Variants in VAT1L observed in about 807,000 individuals in gnomAD.
VAT1L encodes putative NADPH-dependent quinone oxidoreductase VAT1L.
A neutral mutation model predicts 44.1 loss-of-function variants in VAT1L; 34 were observed. That is an observed-to-expected ratio of 0.77 (90% confidence interval 0.59 to 1.03). The LOEUF (loss-of-function observed/expected upper bound fraction) is 1.03, where lower values mean the gene tolerates loss of function less well. Ranked by LOEUF, VAT1L falls within the 50% of genes least tolerant of loss-of-function variation. The probability of loss-of-function intolerance (pLI) is 0.00; values close to 1 mark genes in which losing one functional copy is unlikely to be tolerated. For synonymous variants in VAT1L, 253 were observed against 202.2 expected, an observed-to-expected ratio of 1.25 and a Z score of -2.13; for missense variants, 615 against 538.8, an observed-to-expected ratio of 1.14 and a Z score of -1.40.
chr16:77,952,570 C>G (rs565383166), intron 7 of VAT1L, among the ~76,000 whole-genome samples: 2 of 152,156 alleles, frequency 1.3e-5, no homozygotes, highest in Non-Finnish European at 2.9e-5. Flanking sequence ...ATAAAGCCTG[C>G]AGAGCCATGA....
chr16:77,907,611 C>A (rs1329016949), intron 7 of VAT1L, among the ~76,000 whole-genome samples: 1 of 86,814 alleles, frequency 1.2e-5, no homozygotes, highest in Non-Finnish European at 2.6e-5. Flanking sequence ...ACTTCCAACA[C>A]AAAGATATAT....
intron 2 of VAT1L, among the ~76,000 whole-genome samples, chr16:77,820,477 G>A (rs2016433581): frequency 6.6e-6 from 1 of 152,114 alleles, no homozygotes; most frequent in South Asian, 2.1e-4. Context: ...GCTCTGTAGG[G>A]GTGTTTCCCA....
chr16:77,797,571 C>G (rs1311288076), intron 1 of VAT1L, among the ~76,000 whole-genome samples: 2 of 152,090 alleles, frequency 1.3e-5, no homozygotes, highest in Non-Finnish European at 1.5e-5. Context: ...ATAGACAATC[C>G]AGCCTCTGGA....
At chr16:77,830,293 A>T (rs923845241) in intron 3 of VAT1L, among the ~76,000 whole-genome samples, 1 of 152,130 alleles carries the variant, frequency 6.6e-6, no homozygotes, top group Admixed American at 6.5e-5. Flanking sequence ...TTCTCTCCCA[A>T]TTCAGATGTA....
At chr16:77,790,999 A>T (rs768819750) in intron 1 of VAT1L, among the ~76,000 whole-genome samples, 1 of 152,220 alleles carries the variant, frequency 6.6e-6, no homozygotes, top group African/African-American at 2.4e-5. Context: ...CAGAAAGCCA[A>T]CCAGGCTGCA....
At chr16:77,904,015 T>G (rs1052124606) in intron 7 of VAT1L, among the ~76,000 whole-genome samples, 1 of 152,014 alleles carries the variant, frequency 6.6e-6, no homozygotes, top group African/African-American at 2.4e-5. Flanking sequence ...AGATTACAGG[T>G]ATGAGCCACT....
rs1052430892 is a variant in VAT1L, at chr16:77,979,480, G to C, written c.*1785G>C. Reference sequence around the variant, plus strand: ...TTCTCCCGTAACCATGCTGAAAAGGGGGTCTTAGGGAGAACTGTCATCCAA... The same window carrying C: ...TTCTCCCGTAACCATGCTGAAAAGGCGGTCTTAGGGAGAACTGTCATCCAA... On this transcript the variant is annotated 3_prime_UTR_variant, in exon 9 of 9. Coordinates refer to ENST00000302536, the MANE Select transcript of VAT1L (RefSeq NM_020927.3). 4 of 152,126 alleles carry C rather than the reference G, an allele frequency of 2.6e-5. No individual in the cohort carries two copies. The highest frequency in any genetic ancestry group is 1.9e-4 in the East Asian group (1 of 5,182). 9.4% of individuals were successfully genotyped at this position (152,126 alleles called of 1,614,324 possible). A position where few individuals can be genotyped will look rare whatever the true frequency, so the allele number is the denominator to read the frequency against.
chr16:77,819,079 T>A (rs1442158827), intron 2 of VAT1L, among the ~76,000 whole-genome samples: 1 of 152,196 alleles, frequency 6.6e-6, no homozygotes, highest in Non-Finnish European at 1.5e-5. Flanking sequence ...ACTCTGAGAC[T>A]GGAGCTGAAC....
intron 1 of VAT1L, among the ~76,000 whole-genome samples, chr16:77,804,429 A>G (rs1428386669): frequency 3.3e-5 from 5 of 152,096 alleles, no homozygotes; most frequent in Non-Finnish European, 7.4e-5. Flanking sequence ...TTAGATTCTC[A>G]ATATGTCTCC....
At chr16:77,836,275 T>G (rs1244360713) in intron 3 of VAT1L, among the ~76,000 whole-genome samples, 1 of 152,000 alleles carries the variant, frequency 6.6e-6, no homozygotes, top group Non-Finnish European at 1.5e-5. Context: ...CACCTGCACC[T>G]CGCTCATTTT....
chr16:77,931,439 T>C (rs561391238), intron 7 of VAT1L, among the ~76,000 whole-genome samples: 45 of 152,292 alleles, frequency 3.0e-4, no homozygotes, highest in Non-Finnish European at 2.4e-4. Flanking sequence ...AAAATGTGTT[T>C]CATGGAGGAG....
At chr16:77,895,007 C>T (rs1387658387) in intron 7 of VAT1L, among the ~76,000 whole-genome samples, 1 of 151,868 alleles carries the variant, frequency 6.6e-6, no homozygotes, top group African/African-American at 2.4e-5. Flanking sequence ...TGCTGTAGGT[C>T]CCTACACTTC....
At chr16:77,938,037 T>G (rs73568611) in intron 7 of VAT1L, among the ~76,000 whole-genome samples, 11,567 of 152,328 alleles carry the variant, frequency 0.076, 516 homozygotes, top group South Asian at 0.12. Context: ...CTTCTTTTTA[T>G]GAGCACTGTT....
intron 2 of VAT1L, among the ~76,000 whole-genome samples, chr16:77,820,115 A>G (rs2016425808): frequency 6.6e-6 from 1 of 152,128 alleles, no homozygotes; most frequent in Non-Finnish European, 1.5e-5. Context: ...ACTTTTCTCA[A>G]GTGTAATGAA....
chr16:77,800,796 C>A (rs1402998001), intron 1 of VAT1L: 4 of 152,144 alleles, frequency 2.6e-5, no homozygotes, highest in Non-Finnish European at 4.4e-5. Context: ...AGGAAAGATA[C>A]ATTAATTATA....
intron 7 of VAT1L, among the ~76,000 whole-genome samples, chr16:77,926,771 A>C (rs906113012): frequency 6.6e-6 from 1 of 152,118 alleles, no homozygotes; most frequent in African/African-American, 2.4e-5. Context: ...ACTCTGGCTG[A>C]GCCTTTGTTT....
At chr16:77,878,880 C>G (rs778176341) in intron 5 of VAT1L, among the ~76,000 whole-genome samples, 7 of 152,150 alleles carry the variant, frequency 4.6e-5, no homozygotes, top group Non-Finnish European at 7.4e-5. Flanking sequence ...AGCAACTCAT[C>G]ATTTTATTCA....
chr16:77,893,436 C>T (rs921232735), intron 7 of VAT1L, among the ~76,000 whole-genome samples: 2 of 152,318 alleles, frequency 1.3e-5, no homozygotes, highest in East Asian at 3.9e-4. Context: ...CAGGGATAGA[C>T]ACTGGTGTGA....
chr16:77,893,942 C>G (rs1040818424), intron 7 of VAT1L, among the ~76,000 whole-genome samples: 3 of 152,184 alleles, frequency 2.0e-5, no homozygotes, highest in African/African-American at 7.2e-5. Flanking sequence ...CATTTATTAA[C>G]TCATTAAATC....
Sources: gnomAD v4.1 joint callset for allele counts (sites outside exome capture counted in the v4.1 genomes callset) on GRCh38, gnomAD v4.1.1 for gene constraint, MANE v1.5 for transcripts, NCBI Gene and HGNC (gene_info 2026-07-23, HGNC 2026-07-21) for gene names.